SLX4IP: variants seen among roughly 807,000 people sequenced by gnomAD.
SLX4IP encodes protein SLX4IP.
A neutral mutation model predicts 32.9 loss-of-function variants in SLX4IP; 34 were observed. The ratio of observed to expected loss-of-function variants is 1.03; its 90% CI spans 0.79 to 1.38. SLX4IP has a LOEUF of 1.38. Ranked by LOEUF, SLX4IP falls within the 40% of genes most tolerant of loss-of-function variation. The pLI is 0.00. For synonymous variants in SLX4IP, 172 were observed against 171.7 expected (o/e 1.00, Z -0.01); for missense variants, 444 against 479.0 (o/e 0.93, Z 0.68).
intron 1 of SLX4IP, among the ~76,000 whole-genome samples, chr20:10,447,337 T>G (rs917965814): frequency 6.6e-6 from 1 of 152,212 alleles, no homozygotes; most frequent in Non-Finnish European, 1.5e-5. Context: ...CATCTTTTGT[T>G]TTTTTCTTCC....
chr20:10,490,162 A>G (rs946756630), intron 2 of SLX4IP, among the ~76,000 whole-genome samples: 9 of 149,344 alleles, frequency 6.0e-5, no homozygotes, highest in African/African-American at 2.2e-4. Flanking sequence ...TCAAAAGGAG[A>G]TATTTTTAGT....
intron 2 of SLX4IP, among the ~76,000 whole-genome samples, chr20:10,546,431 T>C (rs1322019527): frequency 6.6e-6 from 1 of 152,200 alleles, no homozygotes; most frequent in Non-Finnish European, 1.5e-5. Context: ...TGGCTCTTAA[T>C]AGGAATAGGT....
rs184074144 is a variant in SLX4IP at position 10,606,806 on chromosome 20, C to A, written c.405+4987C>A. 1.2e-3 allele frequency among the ~76,000 whole-genome samples: 188 copies of A among 152,074 alleles called. 1 individual carries two copies. Among genetic ancestry groups the A allele is most frequent in the African/African-American group, 4.3e-3 (180 of 41,478 alleles). On this transcript the variant is annotated intron_variant, in intron 6 of 7. Coordinates refer to ENST00000334534, the MANE Select transcript of SLX4IP (RefSeq NM_001009608.3). ...CCGTGTGTATGTATTTTAACTAGGA[C>A]CCTATTTGTCAGTTATGTGTTTCTG... is the stretch of plus-strand genomic sequence containing the variant.
chr20:10,593,285 A>C (rs1043442379), intron 4 of SLX4IP, among the ~76,000 whole-genome samples: 3 of 152,250 alleles, frequency 2.0e-5, no homozygotes, highest in Admixed American at 2.0e-4. Flanking sequence ...CCAAATTTTC[A>C]GGTCATCTGT....
At chr20:10,448,502 A>G (rs1453556919) in intron 1 of SLX4IP, among the ~76,000 whole-genome samples, 1 of 152,254 alleles carries the variant, frequency 6.6e-6, no homozygotes, top group Non-Finnish European at 1.5e-5. Flanking sequence ...TTTATTATGT[A>G]AAACAGATGG....
intron 5 of SLX4IP, 34 bp downstream of exon 5, chr20:10,598,786 T>C (rs926209136): frequency 6.3e-7 from 1 of 1,594,746 alleles, no homozygotes; most frequent in Non-Finnish European, 8.6e-7. Context: ...GTCAGACATT[T>C]CACACAATCT....
chr20:10,532,132 G>A (rs996706506), intron 2 of SLX4IP, among the ~76,000 whole-genome samples: 1 of 152,120 alleles, frequency 6.6e-6, no homozygotes, highest in Non-Finnish European at 1.5e-5. Flanking sequence ...TTGTGTACAT[G>A]TGCCAAGATG....
intron 1 of SLX4IP, among the ~76,000 whole-genome samples, chr20:10,457,443 GT>G (rs200528822): frequency 0.027 from 3,868 of 140,952 alleles, 124 homozygotes; most frequent in African/African-American, 0.074. Context: ...AGCATTTTGG[GT>G]TTTTTTTTTT....
chr20:10,592,451 C>T (rs2066720636), intron 4 of SLX4IP, among the ~76,000 whole-genome samples: 1 of 151,924 alleles, frequency 6.6e-6, no homozygotes, highest in Non-Finnish European at 1.5e-5. Flanking sequence ...TACTTAGTCT[C>T]TTTTCATGTT....
intron 2 of SLX4IP, among the ~76,000 whole-genome samples, chr20:10,482,836 A>G (rs2065535872): frequency 1.3e-5 from 2 of 152,210 alleles, no homozygotes; most frequent in Non-Finnish European, 2.9e-5. Context: ...TCAGACTGGA[A>G]ACTTAAAACA....
At chr20:10,544,033 T>G (rs1017702740) in intron 2 of SLX4IP, among the ~76,000 whole-genome samples, 1 of 152,210 alleles carries the variant, frequency 6.6e-6, no homozygotes, top group South Asian at 2.1e-4. Flanking sequence ...TCTGTCTCTC[T>G]AGGTCCTCCA....
chr20:10,540,866 C>T (rs2066098513), intron 2 of SLX4IP, among the ~76,000 whole-genome samples: 1 of 152,184 alleles, frequency 6.6e-6, no homozygotes, highest in African/African-American at 2.4e-5. Context: ...TATTCTGTCC[C>T]ATTTCAATTT....
intron 2 of SLX4IP, among the ~76,000 whole-genome samples, chr20:10,501,469 T>A (rs953924756): frequency 6.6e-6 from 1 of 152,254 alleles, no homozygotes; most frequent in Admixed American, 6.5e-5. Flanking sequence ...TGTTTGCAGT[T>A]GCCAAAAAGC....
At position 10,627,616 on chromosome 20, in the gene SLX4IP, A is replaced by T. The variant is rs1432029942; in HGVS notation, c.*4237A>T. ...ACTTGAATGGATAAAATTATCTTTA[A>T]TTATCTAGAGCTACCCAGTACTGGG... On this transcript the variant is annotated 3_prime_UTR_variant, in exon 8 of 8. Coordinates refer to ENST00000334534, the MANE Select transcript of SLX4IP (RefSeq NM_001009608.3). 6.6e-6 allele frequency: 1 copy of T among 152,236 alleles called. No homozygotes were observed. The highest frequency in any genetic ancestry group is 2.4e-5 in the African/African-American group (1 of 41,464). The allele number at this position is 152,236 out of a possible 1,614,324, so 9.4% of individuals were successfully genotyped here. A position where few individuals can be genotyped will look rare whatever the true frequency, so the allele number is the denominator to read the frequency against.
intron 3 of SLX4IP, among the ~76,000 whole-genome samples, chr20:10,559,468 A>G (rs2066307645): frequency 6.6e-6 from 1 of 152,256 alleles, no homozygotes; most frequent in Non-Finnish European, 1.5e-5. Flanking sequence ...AGAAACCAGC[A>G]AAACAGGTTT....
At chr20:10,538,529 C>CTTTT (rs1293744404) in intron 2 of SLX4IP, among the ~76,000 whole-genome samples, 3 of 143,962 alleles carry the variant, frequency 2.1e-5, no homozygotes, top group African/African-American at 7.6e-5. Context: ...AGCCCTTCAT[C>CTTTT]TTTTTTTTTT....
intron 6 of SLX4IP, among the ~76,000 whole-genome samples, chr20:10,619,956 G>A (rs140628701): frequency 6.6e-6 from 1 of 152,310 alleles, no homozygotes; most frequent in African/African-American, 2.4e-5. Context: ...ATATGACTTT[G>A]AGTGACACTG....
rs147066008 is a variant in SLX4IP, at chr20:10,593,599, G to A, written c.239-5076G>A. 4.9e-3 allele frequency among the ~76,000 whole-genome samples: 745 copies of A among 152,094 alleles called. 8 individuals are homozygous for A. Among genetic ancestry groups the A allele is most frequent in the African/African-American group, 0.017 (705 of 41,480 alleles). Reference sequence around the variant, plus strand: ...ATAATTTTAAAACTTAGATGAGTGTGGTAGCATGCACCTGTGGTCCCAGCT... The same window carrying A: ...ATAATTTTAAAACTTAGATGAGTGTAGTAGCATGCACCTGTGGTCCCAGCT... On this transcript the variant is annotated intron_variant, in intron 4 of 7. Transcript: ENST00000334534.
At chr20:10,574,181 T>G (rs571076210) in intron 4 of SLX4IP, among the ~76,000 whole-genome samples, 45 of 152,274 alleles carry the variant, frequency 3.0e-4, no homozygotes, top group Admixed American at 1.8e-3. Context: ...ATAGCCAGAG[T>G]TGCAGTGACT....
Sources: gnomAD v4.1 joint callset for allele counts (sites outside exome capture counted in the v4.1 genomes callset) on GRCh38, gnomAD v4.1.1 for gene constraint, MANE v1.5 for transcripts, NCBI Gene and HGNC (gene_info 2026-07-23, HGNC 2026-07-21) for gene names.